AGR3: variants seen among roughly 807,000 people sequenced by gnomAD.
AGR3 encodes the protein anterior gradient 3, protein disulphide isomerase family member, also known as anterior gradient protein 3.
AGR3 carries 37 observed loss-of-function variants against 24.5 expected under a neutral mutation model. The observed-to-expected ratio is 1.51, with a 90% CI of 1.16 to 1.99. The LOEUF (loss-of-function observed/expected upper bound fraction) is 1.99. Ranked by LOEUF, AGR3 falls within the 30% of genes most tolerant of loss-of-function variation. The probability of loss-of-function intolerance (pLI) is 0.00; values close to 1 mark genes in which losing one functional copy is unlikely to be tolerated. For synonymous variants in AGR3, 75 were observed against 61.6 expected, an observed-to-expected ratio of 1.22 and a Z score of -1.02; for missense variants, 228 against 191.1, an observed-to-expected ratio of 1.19 and a Z score of -1.14.
intron 1 of AGR3, among the ~76,000 whole-genome samples, chr7:16,878,857 G>A (rs1017395961): frequency 3.9e-5 from 6 of 152,196 alleles, no homozygotes; most frequent in African/African-American, 1.2e-4. Context: ...GAGAAGTCAT[G>A]TTCTGAGCCT....
At chr7:16,875,476 A>C (rs1488076851) in intron 2 of AGR3, among the ~76,000 whole-genome samples, 1 of 152,138 alleles carries the variant, frequency 6.6e-6, no homozygotes, top group Non-Finnish European at 1.5e-5. Context: ...ATTCCATTGT[A>C]TGAATATACC....
chr7:16,856,853 A>T (rs1162921511), downstream of AGR3, among the ~76,000 whole-genome samples: 4 of 152,154 alleles, frequency 2.6e-5, no homozygotes, highest in South Asian at 8.3e-4. Context: ...ACACACACAC[A>T]CACACATTCA....
chr7:16,880,488 C>A (rs1782091081), intron 1 of AGR3, among the ~76,000 whole-genome samples: 1 of 49,508 alleles, frequency 2.0e-5, no homozygotes, highest in Non-Finnish European at 5.3e-5. Flanking sequence ...CTTTCCCCTC[C>A]TTTCCCCTCC....
At position 16,864,158 on chromosome 7, in the gene AGR3, A is replaced by C. The variant is rs865942500; in HGVS notation, c.174-1496T>G. On this transcript the variant is annotated intron_variant, in intron 3 of 7. Coordinates refer to ENST00000310398, the MANE Select transcript of AGR3 (RefSeq NM_176813.5). ...AAGACTACAGGAACGGAGAATTAAC[A>C]AACTGTTGTGTAATTCATCAGAGAA... The C allele has an allele frequency of 7.4e-5, 47 of 635,670 alleles. 1 individual carries two copies. In the Middle Eastern group the frequency reaches 1.9e-3, roughly 26 times the overall value. 39.4% of individuals were successfully genotyped at this position (635,670 alleles called of 1,614,324 possible). A position where few individuals can be genotyped will look rare whatever the true frequency, so the allele number is the denominator to read the frequency against.
chr7:16,875,865 G>T (rs993372448), intron 2 of AGR3, among the ~76,000 whole-genome samples: 2 of 152,076 alleles, frequency 1.3e-5, no homozygotes, highest in African/African-American at 2.4e-5. Context: ...TCCAACTTTG[G>T]TTGAACACAT....
intron 1 of AGR3, among the ~76,000 whole-genome samples, chr7:16,880,615 A>G (rs998791118): frequency 7.1e-6 from 1 of 141,346 alleles, no homozygotes; most frequent in East Asian, 2.1e-4. Flanking sequence ...CTTTCTTTCC[A>G]GGCATATAAA....
intron 3 of AGR3, chr7:16,865,022 A>G: frequency 1.2e-6 from 1 of 841,468 alleles, no homozygotes; most frequent in Non-Finnish European, 2.1e-6. Flanking sequence ...ACAAGTATGT[A>G]TCCTGTTCAT....
At chr7:16,864,813 T>C (rs73082118) in intron 3 of AGR3, 108,554 of 904,448 alleles carry the variant, frequency 0.12, 9,671 homozygotes, top group East Asian at 0.36. Flanking sequence ...TCACACCTCT[T>C]GTAGCTATAG....
chr7:16,864,886 C>G (rs182092163), intron 3 of AGR3: 32 of 889,008 alleles, frequency 3.6e-5, no homozygotes, highest in Middle Eastern at 2.9e-4. Context: ...ACCTGCAAAA[C>G]TTAGAAATTC....
intron 7 of AGR3, 96 bp downstream of exon 7, chr7:16,860,404 G>T: frequency 2.2e-6 from 2 of 902,040 alleles, no homozygotes; most frequent in Non-Finnish European, 1.8e-6. Flanking sequence ...CTCAGTGACT[G>T]GTGTGTAGAA....
At chr7:16,871,154 A>G (rs1781856630) in intron 3 of AGR3, among the ~76,000 whole-genome samples, 2 of 152,220 alleles carry the variant, frequency 1.3e-5, no homozygotes, top group Admixed American at 1.3e-4. Context: ...CTAATATTCA[A>G]ACAGGCAGGC....
chr7:16,871,889 A>G (rs1327805414), intron 3 of AGR3, among the ~76,000 whole-genome samples: 1 of 152,070 alleles, frequency 6.6e-6, no homozygotes. Flanking sequence ...CTAGGAATAT[A>G]TTAACCAAGG....
chr7:16,858,147 C>T (rs927330056), downstream of AGR3, among the ~76,000 whole-genome samples: 1 of 152,022 alleles, frequency 6.6e-6, no homozygotes, highest in Admixed American at 6.5e-5. Flanking sequence ...ACCACCATGC[C>T]TGGCTAATTT....
At chr7:16,865,331 A>G in intron 3 of AGR3, 1 of 1,175,504 alleles carries the variant, frequency 8.5e-7, no homozygotes, top group Non-Finnish European at 1.3e-6. Context: ...AACATCCTTG[A>G]CAGAGCACCT....
intron 2 of AGR3, 83 bp from the exon 3 acceptor site, chr7:16,873,926 C>T (rs543206582): frequency 1.3e-5 from 14 of 1,067,282 alleles, no homozygotes; most frequent in Non-Finnish European, 1.7e-5. Flanking sequence ...CAGATATCTA[C>T]CTACAGATAT....
intron 5 of AGR3, 113 bp from the exon 6 acceptor site, chr7:16,861,560 A>G (rs1467336523): frequency 6.6e-6 from 6 of 908,086 alleles, no homozygotes; most frequent in Non-Finnish European, 8.6e-6. Context: ...ATAATTCCAT[A>G]CAACTTTCTG....
chr7:16,859,061 A>G (rs147514274), downstream of AGR3, among the ~76,000 whole-genome samples: 537 of 152,198 alleles, frequency 3.5e-3, 1 homozygote, highest in African/African-American at 0.012. Flanking sequence ...GACCTGGGTT[A>G]GCAGGTATGG....
chr7:16,864,498 C>T (rs1781711974), intron 3 of AGR3: 1 of 1,261,376 alleles, frequency 7.9e-7, no homozygotes, highest in Non-Finnish European at 1.2e-6. Context: ...TTCCATGTTC[C>T]CTGTCAGTCA....
intron 3 of AGR3, 97 bp from the exon 4 acceptor site, chr7:16,862,759 T>A: frequency 1.3e-6 from 1 of 764,566 alleles, no homozygotes; most frequent in Non-Finnish European, 2.1e-6. Flanking sequence ...TCAATAAGGC[T>A]TACAGTAGTA....
Sources: gnomAD v4.1 joint callset for allele counts (sites outside exome capture counted in the v4.1 genomes callset) on GRCh38, gnomAD v4.1.1 for gene constraint, MANE v1.5 for transcripts, NCBI Gene and HGNC (gene_info 2026-07-23, HGNC 2026-07-21) for gene names.